MYO1B: variants seen among roughly 807,000 people sequenced by gnomAD.
MYO1B encodes the protein myosin IB.
MYO1B carries 72 observed loss-of-function variants against 159.7 expected under a neutral mutation model. That is an observed-to-expected ratio of 0.45 (90% CI 0.37 to 0.55). The LOEUF (loss-of-function observed/expected upper bound fraction) is 0.55, where lower values mean the gene tolerates loss of function less well. Among genes scored for constraint, MYO1B ranks in the 20% least tolerant of loss-of-function variants. The pLI, the probability that MYO1B is intolerant of heterozygous loss-of-function variation, is 0.00. For synonymous variants in MYO1B, 468 were observed against 473.8 expected, an observed-to-expected ratio of 0.99 and a Z score of 0.16; for missense variants, 1,062 against 1,364.8, an observed-to-expected ratio of 0.78 and a Z score of 3.50.
intron 3 of MYO1B, among the ~76,000 whole-genome samples, chr2:191,329,156 A>C (rs1392059608): frequency 6.6e-6 from 1 of 152,154 alleles, no homozygotes; most frequent in East Asian, 1.9e-4. Flanking sequence ...AGAAGGGGCA[A>C]AATTTACTTT....
chr2:191,290,620 G>A (rs963694423), intron 2 of MYO1B, among the ~76,000 whole-genome samples: 1 of 152,168 alleles, frequency 6.6e-6, no homozygotes, highest in African/African-American at 2.4e-5. Flanking sequence ...CACATAAATA[G>A]ACATACATAC....
chr2:191,369,590 T>G lies in MYO1B; in HGVS notation c.1081T>G (p.Phe361Val). The change falls in exon 12 of 31, where the codon TTT becomes GTT. Residue 361 changes from phenylalanine (F) to valine (V), a missense_variant. By Grantham distance (50) the Phe-to-Val change is conservative. This residue lies in a region of MYO1B where 415 missense variants were observed against 544.0 expected (regional missense o/e 0.76). Transcript: ENST00000392318. ...GGCTAAAAACCTCTACAGCAGGTTG[T>G]TTTCATGGTTGGTAAATCGAATCAA... is the stretch of plus-strand genomic sequence containing the variant. ...ALAKNLYSRL[F>V]SWLVNRINES... 1 of 1,613,632 alleles carries G rather than the reference T, an allele frequency of 6.2e-7. No homozygotes were observed. The highest frequency in any genetic ancestry group is 1.1e-5 in the South Asian group (1 of 91,060).
intron 21 of MYO1B, among the ~76,000 whole-genome samples, chr2:191,398,705 G>A (rs959233398): frequency 6.6e-6 from 1 of 151,772 alleles, no homozygotes; most frequent in South Asian, 2.1e-4. Context: ...TCCTAGATGG[G>A]ATGGCGGCGG....
At chr2:191,315,038 T>C (rs1489336696) in intron 3 of MYO1B, among the ~76,000 whole-genome samples, 1 of 152,114 alleles carries the variant, frequency 6.6e-6, no homozygotes, top group African/African-American at 2.4e-5. Context: ...ATGTTACAGG[T>C]GTAAGTGAAT....
chr2:191,313,916 G>A (rs1248763874), intron 3 of MYO1B, among the ~76,000 whole-genome samples: 1 of 152,214 alleles, frequency 6.6e-6, no homozygotes, highest in East Asian at 1.9e-4. Flanking sequence ...TAACTGCGAA[G>A]GAAGCTGGGA....
At chr2:191,250,594 A>G (rs1160069755) in intron 1 of MYO1B, among the ~76,000 whole-genome samples, 1 of 152,256 alleles carries the variant, frequency 6.6e-6, no homozygotes, top group Non-Finnish European at 1.5e-5. Context: ...AGAATGAGTC[A>G]TTCACATTGA....
intron 30 of MYO1B, among the ~76,000 whole-genome samples, chr2:191,421,350 A>G (rs1459113893): frequency 6.6e-6 from 1 of 152,094 alleles, no homozygotes; most frequent in Non-Finnish European, 1.5e-5. Flanking sequence ...GATTACTGTC[A>G]TGATCCACCG....
At chr2:191,331,553 T>G (rs554664016) in intron 4 of MYO1B, among the ~76,000 whole-genome samples, 1 of 152,334 alleles carries the variant, frequency 6.6e-6, no homozygotes, top group South Asian at 2.1e-4. Flanking sequence ...TTTATCTTTC[T>G]AGGGCTAAAA....
chr2:191,264,175 A>G (rs1028278356), intron 1 of MYO1B, among the ~76,000 whole-genome samples: 2 of 152,172 alleles, frequency 1.3e-5, no homozygotes, highest in African/African-American at 4.8e-5. Context: ...TTTCTTTAAA[A>G]ATTATTTCTC....
intron 2 of MYO1B, among the ~76,000 whole-genome samples, chr2:191,293,677 C>G (rs1688811549): frequency 6.6e-6 from 1 of 152,118 alleles, no homozygotes; most frequent in African/African-American, 2.4e-5. Context: ...TCATCACCAT[C>G]TTGGTTTTGG....
intron 30 of MYO1B, among the ~76,000 whole-genome samples, chr2:191,418,506 T>TTTTTTTTTTA (rs869185365): frequency 7.0e-6 from 1 of 143,698 alleles, no homozygotes. Context: ...TTTTTTTTTT[T>TTTTTTTTTTA]GAGGCAGAGT....
At position 191,385,935 on chromosome 2, in the gene MYO1B, A is replaced by T; in HGVS notation, c.1405A>T (p.Thr469Ser). The change falls in exon 16 of 31, where the codon ACA becomes TCA. Residue 469 changes from threonine to serine, a missense_variant. This residue lies in a region of MYO1B where 9 missense variants were observed against 31.9 expected (regional missense o/e 0.28). Coordinates refer to ENST00000392318, the MANE Select transcript of MYO1B (RefSeq NM_001130158.3). ...GGATGAAGAGTGCCTCAGACCTGGC[A>T]CAGTCACTGATGAGACCTTCTTAGA... ...MLDEECLRPG[T>S]VTDETFLEKL... is the part of the protein sequence containing the mutation. 2 of 1,614,202 alleles carry T rather than the reference A, an allele frequency of 1.2e-6. No individual in the cohort carries two copies. Among genetic ancestry groups the T allele is most frequent in the Non-Finnish European group, 1.7e-6 (2 of 1,180,014 alleles).
chr2:191,327,140 A>G (rs1333669110), intron 3 of MYO1B, among the ~76,000 whole-genome samples: 2 of 152,200 alleles, frequency 1.3e-5, no homozygotes, highest in African/African-American at 4.8e-5. Flanking sequence ...GTCATAGAAG[A>G]AATGAATTTC....
At chr2:191,255,597 T>C (rs555079994) in intron 1 of MYO1B, among the ~76,000 whole-genome samples, 11 of 152,328 alleles carry the variant, frequency 7.2e-5, no homozygotes, top group Admixed American at 2.0e-4. Flanking sequence ...ATGACTTAAA[T>C]CAAGTTATTA....
intron 7 of MYO1B, among the ~76,000 whole-genome samples, chr2:191,359,647 A>G (rs1033601947): frequency 5.3e-5 from 8 of 152,180 alleles, no homozygotes; most frequent in East Asian, 3.8e-4. Flanking sequence ...AAAAAGTTTA[A>G]TGATCGTTCC....
Position 191,387,815 on chromosome 2 carries a change from A to T in MYO1B, c.1781+365A>T, listed in dbSNP as rs1025135103. The T allele has an allele frequency of 5.8e-5, 18 of 308,448 alleles. No homozygotes were observed. In the South Asian group the frequency reaches 6.2e-4, roughly 11 times the overall value. 19.1% of individuals were successfully genotyped at this position (308,448 alleles called of 1,614,324 possible). A position where few individuals can be genotyped will look rare whatever the true frequency, so the allele number is the denominator to read the frequency against. On this transcript the variant is annotated intron_variant, in intron 17 of 30. Transcript: ENST00000392318. ...TTTGCAGAAAACTCTTGTTGGCTTC[A>T]TTTGGGATTCTTGTTCTATTAGCTT...
intron 13 of MYO1B, among the ~76,000 whole-genome samples, chr2:191,375,883 C>T (rs559932170): frequency 2.0e-4 from 30 of 151,252 alleles, no homozygotes; most frequent in South Asian, 4.2e-4. Flanking sequence ...CACTTGAACC[C>T]GGGAGACGGA....
At chr2:191,311,610 C>T (rs1185619225) in intron 3 of MYO1B, among the ~76,000 whole-genome samples, 6 of 151,902 alleles carry the variant, frequency 3.9e-5, no homozygotes, top group South Asian at 2.1e-4. Context: ...TTGGTTTGGC[C>T]GTTATTAATA....
intron 4 of MYO1B, among the ~76,000 whole-genome samples, chr2:191,340,541 G>T (rs1476357090): frequency 2.0e-5 from 3 of 152,140 alleles, no homozygotes; most frequent in East Asian, 3.8e-4. Flanking sequence ...TTTATCCTTT[G>T]CCTCATGTGG....
Sources: allele counts gnomAD v4.1 joint callset (sites outside exome capture counted in the v4.1 genomes callset), GRCh38; gene constraint gnomAD v4.1.1; regional missense constraint gnomAD v4.1.1; transcripts MANE v1.5; gene names NCBI Gene and HGNC (gene_info 2026-07-23, HGNC 2026-07-21).